Variants in KCNQ5 observed in about 807,000 individuals in gnomAD.
The protein encoded by KCNQ5 is potassium voltage-gated channel subfamily Q member 5.
KCNQ5 carries 30 observed loss-of-function variants against 98.2 expected under a neutral mutation model. That is an observed-to-expected ratio of 0.31 (90% CI 0.23 to 0.41). The LOEUF is 0.41. KCNQ5 is among the 10% of genes least tolerant of loss of function. The pLI, the probability that KCNQ5 is intolerant of heterozygous loss-of-function variation, is 1.00. For missense variants in KCNQ5, 835 were observed against 1,182.5 expected (o/e 0.71, Z 4.31); for synonymous variants, 458 against 449.4 (o/e 1.02, Z -0.24).
intron 1 of KCNQ5, among the ~76,000 whole-genome samples, chr6:72,710,053 G>A (rs979179091): frequency 6.6e-6 from 1 of 152,152 alleles, no homozygotes; most frequent in Non-Finnish European, 1.5e-5. Context: ...GTGAGTGAGG[G>A]AAAGAATGGT....
chr6:72,624,330 A>G (rs1312105874), intron 1 of KCNQ5, among the ~76,000 whole-genome samples: 1 of 152,214 alleles, frequency 6.6e-6, no homozygotes, highest in African/African-American at 2.4e-5. Context: ...TTTGGTAGCA[A>G]ATATATATAC....
chr6:73,060,890 A>G (rs935959818), intron 3 of KCNQ5, among the ~76,000 whole-genome samples: 3 of 152,302 alleles, frequency 2.0e-5, no homozygotes, highest in African/African-American at 7.2e-5. Flanking sequence ...GCAAGGAAAT[A>G]GGCACTCACA....
At chr6:72,887,607 C>G (rs1183623156) in intron 1 of KCNQ5, among the ~76,000 whole-genome samples, 2 of 152,058 alleles carry the variant, frequency 1.3e-5, no homozygotes, top group Non-Finnish European at 2.9e-5. Flanking sequence ...AAAAGCAAGA[C>G]AACAGCATAT....
intron 1 of KCNQ5, among the ~76,000 whole-genome samples, chr6:72,833,633 T>C (rs770839542): frequency 1.3e-5 from 2 of 152,136 alleles, no homozygotes; most frequent in Non-Finnish European, 2.9e-5. Flanking sequence ...ACTTTATAAA[T>C]AGTGAGATCA....
intron 1 of KCNQ5, among the ~76,000 whole-genome samples, chr6:72,856,539 G>T (rs1474640652): frequency 1.3e-5 from 2 of 151,544 alleles, no homozygotes; most frequent in Non-Finnish European, 2.9e-5. Context: ...GGGTAGACAA[G>T]TTGGGCAAAG....
chr6:73,069,063 G>C (rs947524317), intron 3 of KCNQ5, among the ~76,000 whole-genome samples: 10 of 151,996 alleles, frequency 6.6e-5, no homozygotes, highest in African/African-American at 2.4e-4. Context: ...GAATAAAATG[G>C]TACCTTTCTA....
intron 10 of KCNQ5, among the ~76,000 whole-genome samples, chr6:73,149,131 G>A (rs1472043657): frequency 1.3e-5 from 2 of 152,128 alleles, no homozygotes; most frequent in African/African-American, 2.4e-5. Flanking sequence ...AAATGAATGG[G>A]TTATGATCAG....
chr6:72,910,147 G>T (rs902283435), intron 1 of KCNQ5, among the ~76,000 whole-genome samples: 1 of 151,982 alleles, frequency 6.6e-6, no homozygotes, highest in Non-Finnish European at 1.5e-5. Flanking sequence ...CACCTAAATT[G>T]CAGGAATACT....
chr6:73,149,437 A>G (rs916495672), intron 10 of KCNQ5, among the ~76,000 whole-genome samples: 1 of 152,220 alleles, frequency 6.6e-6, no homozygotes, highest in Admixed American at 6.5e-5. Flanking sequence ...AAGTAAGAGA[A>G]GATCTTTGGG....
intron 3 of KCNQ5, among the ~76,000 whole-genome samples, chr6:73,067,103 T>C (rs900998993): frequency 2.6e-5 from 4 of 152,180 alleles, no homozygotes; most frequent in African/African-American, 9.7e-5. Context: ...ATATTCCCTA[T>C]TCTTGATAAT....
intron 1 of KCNQ5, among the ~76,000 whole-genome samples, chr6:72,909,424 C>G (rs4708001): frequency 7.9e-5 from 12 of 152,108 alleles, no homozygotes; most frequent in Non-Finnish European, 1.5e-4. Context: ...ATCAATATGA[C>G]GGGAAATTAA....
rs371728029 is a variant in KCNQ5, at chr6:72,877,227, C to G, written c.399-126681C>G. Among the ~76,000 whole-genome samples the G allele has an allele frequency of 5.9e-5, 9 of 152,184 alleles. No homozygotes were observed. In the East Asian group the frequency reaches 9.7e-4, roughly 16 times the overall value. On this transcript the variant is annotated intron_variant, in intron 1 of 13. Transcript: ENST00000370398. The stretch of plus-strand genomic sequence containing the variant: ...TATCCCTCTCCTTGCCCCGACCCCC[C>G]CGACAGGCCCTGGTGTGTGTTGTTC...
intron 1 of KCNQ5, among the ~76,000 whole-genome samples, chr6:72,718,549 C>T (rs933611446): frequency 7.0e-6 from 1 of 143,344 alleles, no homozygotes; most frequent in African/African-American, 2.6e-5. Context: ...CTCCCAGGTT[C>T]AAGTGATTCT....
chr6:72,678,310 T>C (rs1767522125), intron 1 of KCNQ5: 1 of 152,178 alleles, frequency 6.6e-6, no homozygotes, highest in African/African-American at 2.4e-5. Context: ...AGTGCATTAT[T>C]ACATTGAATT....
chr6:73,100,050 C>A (rs904429032), intron 5 of KCNQ5, among the ~76,000 whole-genome samples: 7 of 152,302 alleles, frequency 4.6e-5, no homozygotes, highest in African/African-American at 1.4e-4. Context: ...AATTTGGAAA[C>A]TATACAAACA....
chr6:72,770,670 C>T (rs1582257726), intron 1 of KCNQ5, among the ~76,000 whole-genome samples: 1 of 151,970 alleles, frequency 6.6e-6, no homozygotes, highest in African/African-American at 2.4e-5. Flanking sequence ...TGCTGTATTG[C>T]CTGTGGACTT....
chr6:72,895,961 T>C (rs1027243277), intron 1 of KCNQ5, among the ~76,000 whole-genome samples: 29 of 152,088 alleles, frequency 1.9e-4, no homozygotes, highest in African/African-American at 6.5e-4. Context: ...AATTATAAGA[T>C]AGTTGGACAC....
intron 6 of KCNQ5, 101 bp from the exon 7 acceptor site, chr6:73,111,207 C>A (rs1438277263): frequency 2.6e-6 from 2 of 769,342 alleles, no homozygotes; most frequent in Non-Finnish European, 4.5e-6. Context: ...GGTTACATAC[C>A]GTTTGTCTTC....
At position 72,622,431 on chromosome 6, in the gene KCNQ5, G is replaced by C; in HGVS notation, c.242G>C (p.Gly81Ala). Residue 81 changes from glycine to alanine, a missense_variant, in exon 1 of 14, where the codon GGC becomes GCC. Transcript: ENST00000370398. This position sits in a 1 kb window ranked among gnomAD's most constrained non-coding sequence, Gnocchi z 6.0. ...GGGGLRESRR[G>A]KQGARMSLLG... ...GGTGGCCTGAGGGAGAGCCGCCGGG[G>C]CAAGCAGGGGGCCCGGATGAGCCTG... 2 of 1,549,016 alleles carry C rather than the reference G, an allele frequency of 1.3e-6. No individual in the cohort carries two copies. Among genetic ancestry groups the C allele is most frequent in the Non-Finnish European group, 1.7e-6 (2 of 1,147,262 alleles).
Sources: allele counts gnomAD v4.1 joint callset (sites outside exome capture counted in the v4.1 genomes callset), GRCh38; gene constraint gnomAD v4.1.1; non-coding constraint Gnocchi (gnomAD v3.1); transcripts MANE v1.5; gene names NCBI Gene and HGNC (gene_info 2026-07-23, HGNC 2026-07-21).